The following PCDH9 variants were observed in gnomAD, a reference collection of about 807,000 sequenced individuals.
The protein encoded by PCDH9 is protocadherin-9.
Under a neutral mutation model 70.6 loss-of-function variants are expected in PCDH9, and 24 were observed. That is an observed-to-expected ratio of 0.34 (90% CI 0.25 to 0.48). The LOEUF (loss-of-function observed/expected upper bound fraction) is 0.48. Among genes scored for constraint, PCDH9 ranks in the 20% least tolerant of loss-of-function variants. The pLI, the probability that PCDH9 is intolerant of heterozygous loss-of-function variation, is 0.99. For missense variants in PCDH9, 1,281 were observed against 1,503.6 expected, an observed-to-expected ratio of 0.85 and a Z score of 2.45; for synonymous variants, 562 against 558.5, an observed-to-expected ratio of 1.01 and a Z score of -0.09.
chr13:66,440,637 T>C (rs1957955788), intron 4 of PCDH9, among the ~76,000 whole-genome samples: 1 of 152,088 alleles, frequency 6.6e-6, no homozygotes, highest in African/African-American at 2.4e-5. Context: ...TCAAGGCAAA[T>C]AGCTAATGAA....
intron 4 of PCDH9, among the ~76,000 whole-genome samples, chr13:66,510,995 C>A (rs1959444327): frequency 6.6e-6 from 1 of 152,084 alleles, no homozygotes; most frequent in East Asian, 1.9e-4. Flanking sequence ...TTTGTTGTGG[C>A]AATGTTTCCT....
At chr13:66,401,361 C>T (rs1444389) in intron 4 of PCDH9, among the ~76,000 whole-genome samples, 17,265 of 147,336 alleles carry the variant, frequency 0.12, 1,033 homozygotes, top group African/African-American at 0.15. Flanking sequence ...GTTTTTTTTT[C>T]CCCCCCTTTG....
chr13:66,520,851 G>T lies in PCDH9; in HGVS notation c.3340+110359C>A, dbSNP rs1370927525. On this transcript the variant is annotated intron_variant, in intron 4 of 4. Transcript: ENST00000377865. ...ACATCAGGAAACCCTTGTCTTCCAG[G>T]ACAGAGGAGAATGAAATGCTTCATG... 2.6e-5 allele frequency among the ~76,000 whole-genome samples: 4 copies of T among 152,082 alleles called. No homozygotes were observed. The East Asian group carries it at 5.8e-4, about 22-fold the overall frequency.
At chr13:66,964,976 G>A (rs2139733952) in intron 2 of PCDH9, among the ~76,000 whole-genome samples, 1 of 151,826 alleles carries the variant, frequency 6.6e-6, no homozygotes, top group South Asian at 2.1e-4. Context: ...TAAATAATTA[G>A]AGTCAGCAAG....
chr13:66,980,681 C>T (rs1182815640), intron 2 of PCDH9, among the ~76,000 whole-genome samples: 1 of 136,420 alleles, frequency 7.3e-6, no homozygotes, highest in Non-Finnish European at 1.6e-5. Context: ...CTATCAATTG[C>T]TAATTTTTAG....
intron 2 of PCDH9, among the ~76,000 whole-genome samples, chr13:67,011,651 A>G (rs1266860965): frequency 6.6e-6 from 1 of 151,912 alleles, no homozygotes; most frequent in Non-Finnish European, 1.5e-5. Context: ...TTAATTAGAG[A>G]AGTGTCAAAA....
At chr13:66,724,457 C>A (rs149158380) in intron 3 of PCDH9, among the ~76,000 whole-genome samples, 18 of 152,162 alleles carry the variant, frequency 1.2e-4, no homozygotes, top group Non-Finnish European at 2.2e-4. Flanking sequence ...TTATCTTTTC[C>A]ACCTCTATTT....
intron 3 of PCDH9, among the ~76,000 whole-genome samples, chr13:66,875,902 C>A (rs1200778057): frequency 1.3e-5 from 2 of 152,128 alleles, no homozygotes; most frequent in Admixed American, 6.5e-5. Flanking sequence ...ACGTGTCAGG[C>A]AGCCTGTCAT....
chr13:66,755,684 G>C (rs975209184), intron 3 of PCDH9, among the ~76,000 whole-genome samples: 3 of 152,064 alleles, frequency 2.0e-5, no homozygotes, highest in Admixed American at 1.3e-4. Context: ...GAGGGTCCAA[G>C]ATGTTGGTAA....
intron 4 of PCDH9, among the ~76,000 whole-genome samples, chr13:66,487,639 T>A (rs1958966497): frequency 6.6e-6 from 1 of 152,136 alleles, no homozygotes; most frequent in Non-Finnish European, 1.5e-5. Flanking sequence ...CGTTGTAAAA[T>A]GACTTGTATG....
intron 2 of PCDH9, among the ~76,000 whole-genome samples, chr13:66,994,856 G>A (rs1182626751): frequency 6.6e-6 from 1 of 152,138 alleles, no homozygotes; most frequent in Non-Finnish European, 1.5e-5. Flanking sequence ...GCTATATTTG[G>A]TATGCCTCAT....
At chr13:66,754,490 G>A (rs1352056805) in intron 3 of PCDH9, among the ~76,000 whole-genome samples, 1 of 152,130 alleles carries the variant, frequency 6.6e-6, no homozygotes, top group Middle Eastern at 3.4e-3. Flanking sequence ...GGGAAGAGGC[G>A]AAGTCATTTC....
At chr13:66,626,304 A>C (rs1167703457) in intron 4 of PCDH9, among the ~76,000 whole-genome samples, 1 of 152,228 alleles carries the variant, frequency 6.6e-6, no homozygotes, top group Non-Finnish European at 1.5e-5. Context: ...CCTTGAGGCT[A>C]GATTACATCG....
intron 4 of PCDH9, among the ~76,000 whole-genome samples, chr13:66,395,496 G>A (rs1957087298): frequency 6.6e-6 from 1 of 151,928 alleles, no homozygotes; most frequent in African/African-American, 2.4e-5. Flanking sequence ...AGCTACTCGG[G>A]AACTAAGACA....
intron 2 of PCDH9, among the ~76,000 whole-genome samples, chr13:67,018,616 C>G (rs1321212049): frequency 2.6e-5 from 2 of 76,756 alleles, no homozygotes; most frequent in African/African-American, 5.3e-5. Flanking sequence ...AGACTCGTCT[C>G]AAAAAAAAAA....
At chr13:67,186,646 G>T (rs904605737) in intron 2 of PCDH9, among the ~76,000 whole-genome samples, 3 of 152,008 alleles carry the variant, frequency 2.0e-5, no homozygotes, top group Admixed American at 2.0e-4. Flanking sequence ...GGAGGAAAGG[G>T]AAAATTATTT....
chr13:66,763,034 T>A (rs991961453), intron 3 of PCDH9, among the ~76,000 whole-genome samples: 2 of 151,954 alleles, frequency 1.3e-5, no homozygotes, highest in Non-Finnish European at 2.9e-5. Flanking sequence ...GGTTCAACAA[T>A]AGTGCACTGC....
chr13:66,412,728 G>T (rs563941765), intron 4 of PCDH9, among the ~76,000 whole-genome samples: 12 of 152,222 alleles, frequency 7.9e-5, no homozygotes, highest in South Asian at 6.2e-4. Flanking sequence ...CCAAAAACTT[G>T]TATTTACCTT....
chr13:66,745,180 T>C (rs1203600293), intron 3 of PCDH9, among the ~76,000 whole-genome samples: 1 of 152,222 alleles, frequency 6.6e-6, no homozygotes, highest in Non-Finnish European at 1.5e-5. Context: ...TGACATTTAA[T>C]AGGATTAAAT....
Sources: gnomAD v4.1 joint callset for allele counts (sites outside exome capture counted in the v4.1 genomes callset) on GRCh38, gnomAD v4.1.1 for gene constraint, MANE v1.5 for transcripts, NCBI Gene and HGNC (gene_info 2026-07-23, HGNC 2026-07-21) for gene names.